Variants in EVC observed in about 807,000 individuals in gnomAD.
EVC encodes the protein evC complex member EVC.
EVC carries 116 observed loss-of-function variants against 118.9 expected under a neutral mutation model. That is an observed-to-expected ratio of 0.98 (90% CI 0.84 to 1.14). The LOEUF is 1.14. EVC is among the 50% of genes most tolerant of loss of function. The probability of loss-of-function intolerance (pLI) is 0.00; values close to 1 mark genes in which losing one functional copy is unlikely to be tolerated. For missense variants in EVC, 1,401 were observed against 1,246.4 expected, an observed-to-expected ratio of 1.12 and a Z score of -1.87; for synonymous variants, 619 against 534.7, an observed-to-expected ratio of 1.16 and a Z score of -2.18.
intron 2 of EVC, among the ~76,000 whole-genome samples, chr4:5,726,179 T>C (rs1465339082): frequency 6.6e-6 from 1 of 152,180 alleles, no homozygotes; most frequent in East Asian, 1.9e-4. Flanking sequence ...CGGTCATTGG[T>C]GATGGAGCTC....
chr4:5,774,557 T>C (rs116028369), intron 11 of EVC, among the ~76,000 whole-genome samples: 1,581 of 152,096 alleles, frequency 0.01, 13 homozygotes, highest in Non-Finnish European at 0.017. Flanking sequence ...CTCTAGACTA[T>C]GGGTATCTTC....
intron 11 of EVC, among the ~76,000 whole-genome samples, chr4:5,761,862 G>C (rs1295235384): frequency 6.6e-6 from 1 of 151,684 alleles, no homozygotes; most frequent in Non-Finnish European, 1.5e-5. Context: ...GGGTCCCATT[G>C]GCCAAGAAGC....
At chr4:5,758,747 C>T (rs1731560505) in intron 11 of EVC, among the ~76,000 whole-genome samples, 1 of 152,196 alleles carries the variant, frequency 6.6e-6, no homozygotes, top group South Asian at 2.1e-4. Flanking sequence ...AAAATAAAGG[C>T]TTTCTAATGT....
In EVC at chr4:5,746,967, C is replaced by T. The variant is rs957349528; in HGVS notation, c.940-1181C>T. Among the ~76,000 whole-genome samples, 1 of 152,074 alleles carries T rather than the reference C, an allele frequency of 6.6e-6. No individual in the cohort carries two copies. The highest frequency in any genetic ancestry group is 6.6e-5 in the Admixed American group (1 of 15,264). On this transcript the variant is annotated intron_variant, in intron 7 of 20. Coordinates refer to ENST00000264956, the MANE Select transcript of EVC (RefSeq NM_153717.3). This position sits in a 1 kb window ranked among gnomAD's most constrained non-coding sequence, Gnocchi z 5.8. ...CGGGCTGTGTAGAGTTGGCAGGTGA[C>T]AGTCTGCAGTCACGTGGCAGGTGGA...
At position 5,813,886 on chromosome 4, in the gene EVC, G is replaced by A. The variant is rs750632875; in HGVS notation, c.*2849G>A. 6.6e-6 allele frequency: 1 copy of A among 152,230 alleles called. No individual in the cohort carries two copies. The highest frequency in any genetic ancestry group is 1.5e-5 in the Non-Finnish European group (1 of 68,054). The allele number at this position is 152,230 out of a possible 1,614,324, so 9.4% of individuals were successfully genotyped here. A position where few individuals can be genotyped will look rare whatever the true frequency, so the allele number is the denominator to read the frequency against. On this transcript the variant is annotated 3_prime_UTR_variant, in exon 21 of 21. Coordinates refer to ENST00000264956, the MANE Select transcript of EVC (RefSeq NM_153717.3). ...GCACAGGCCTCCATGATGAAGACGC[G>A]TGGGCTGTCGGTGCTTTCATCCGTC... is the stretch of plus-strand genomic sequence containing the variant.
chr4:5,799,431 C>T (rs532498894), intron 15 of EVC, among the ~76,000 whole-genome samples: 5 of 152,306 alleles, frequency 3.3e-5, no homozygotes, highest in Admixed American at 3.3e-4. Context: ...ATTTTTCTTC[C>T]CGTTGGGAAA....
At chr4:5,747,539 G>T (rs570023092) in intron 7 of EVC, among the ~76,000 whole-genome samples, 2 of 152,182 alleles carry the variant, frequency 1.3e-5, no homozygotes, top group African/African-American at 2.4e-5. Context: ...AAGTTGCTCC[G>T]ATTCCTAGTG....
chr4:5,799,379 G>T (rs62297681), intron 15 of EVC, among the ~76,000 whole-genome samples: 9,320 of 152,184 alleles, frequency 0.061, 341 homozygotes, highest in Middle Eastern at 0.082. Flanking sequence ...TTCCTACCTC[G>T]TCTTGTTGGA....
rs1221419873 is a variant in EVC, at chr4:5,804,826, A to G, written c.2546A>G (p.Gln849Arg). 1 of 1,613,836 alleles carries G rather than the reference A, an allele frequency of 6.2e-7. No individual in the cohort carries two copies. Among genetic ancestry groups the G allele is most frequent in the Non-Finnish European group, 8.5e-7 (1 of 1,179,968 alleles). The change falls in exon 17 of 21, where the codon CAG (glutamine) becomes CGG (arginine). Residue 849 changes from glutamine (Q) to arginine (R), a missense_variant. By Grantham distance (43) the Gln-to-Arg change is conservative. Coordinates refer to ENST00000264956, the MANE Select transcript of EVC (RefSeq NM_153717.3). ...GCAGGTGGCGCTCATGAGACCTCCC[A>G]GGCGGTCCACCAGAGGTGAGGTCCC... Reference protein sequence around the residue: ...RTAGGAHETSQAVHQRMLSQQ... With the variant: ...RTAGGAHETSRAVHQRMLSQQ...
chr4:5,748,431 A>G lies in EVC; in HGVS notation c.1098+125A>G. On this transcript the variant is annotated intron_variant, in intron 8 of 20. Coordinates refer to ENST00000264956, the MANE Select transcript of EVC (RefSeq NM_153717.3). The stretch of plus-strand genomic sequence containing the variant: ...GCTGGTTATATAGAGCCTCAGGGAA[A>G]AAAAAACCAACAACAACAGTAAATT... 3 of 967,428 alleles carry G rather than the reference A, an allele frequency of 3.1e-6. No individual in the cohort carries two copies. In the South Asian group the frequency reaches 4.9e-5, roughly 16 times the overall value. The allele number at this position is 967,428 out of a possible 1,614,324, so 59.9% of individuals were successfully genotyped here.
chr4:5,757,376 C>T (rs28663295), intron 11 of EVC, among the ~76,000 whole-genome samples: 56,011 of 152,104 alleles, frequency 0.37, 10,652 homozygotes, highest in East Asian at 0.5. Flanking sequence ...GGGAGAAGCT[C>T]ATGCAGTGGT....
chr4:5,783,796 T>C, intron 12 of EVC, 32 bp downstream of exon 12: 7 of 1,570,870 alleles, frequency 4.5e-6, no homozygotes, highest in Non-Finnish European at 6.1e-6. Context: ...GGGGCTGGGG[T>C]CTGCATTTTA....
At chr4:5,757,790 C>G (rs142138774) in intron 11 of EVC, among the ~76,000 whole-genome samples, 1,931 of 152,248 alleles carry the variant, frequency 0.013, 43 homozygotes, top group African/African-American at 0.044. Flanking sequence ...CAAATACAGC[C>G]ACATGGGATA....
intron 11 of EVC, among the ~76,000 whole-genome samples, chr4:5,771,597 A>G (rs1158479424): frequency 2.0e-5 from 3 of 152,218 alleles, no homozygotes; most frequent in Non-Finnish European, 4.4e-5. Context: ...ATTTCCAAAG[A>G]GAGAAATAAA....
At chr4:5,806,111 G>T (rs1301777518) in intron 17 of EVC, among the ~76,000 whole-genome samples, 1 of 148,428 alleles carries the variant, frequency 6.7e-6, no homozygotes, top group Non-Finnish European at 1.5e-5. Context: ...ACAGAGTCTT[G>T]CTCTGTTGCC....
rs919794961 is a variant in EVC, at chr4:5,813,564, C to G, written c.*2527C>G. On this transcript the variant is annotated 3_prime_UTR_variant, in exon 21 of 21. Coordinates refer to ENST00000264956, the MANE Select transcript of EVC (RefSeq NM_153717.3). ...CTGCACAGAGTCCGATGGCTCCTCC[C>G]GGGGAAGCCTGATTTTGTGACGTGT... 2 of 152,184 alleles carry G rather than the reference C, an allele frequency of 1.3e-5. No homozygotes were observed. Among genetic ancestry groups the G allele is most frequent in the African/African-American group, 4.8e-5 (2 of 41,438 alleles). 9.4% of individuals were successfully genotyped at this position (152,184 alleles called of 1,614,324 possible).
chr4:5,739,092 C>T (rs1381657763), intron 5 of EVC, among the ~76,000 whole-genome samples: 1 of 152,052 alleles, frequency 6.6e-6, no homozygotes, highest in Non-Finnish European at 1.5e-5. Context: ...TGAAATCAAC[C>T]CTACAATACC....
intron 2 of EVC, among the ~76,000 whole-genome samples, chr4:5,729,049 C>T (rs1328752820): frequency 6.6e-6 from 1 of 152,058 alleles, no homozygotes; most frequent in African/African-American, 2.4e-5. Flanking sequence ...TCTACCTATC[C>T]ATCCATCCAC....
intron 11 of EVC, among the ~76,000 whole-genome samples, chr4:5,773,798 G>A (rs1734332637): frequency 6.6e-6 from 1 of 152,100 alleles, no homozygotes; most frequent in Admixed American, 6.5e-5. Context: ...AGAGACTCAA[G>A]CTCACCTGTG....
Sources: gnomAD v4.1 joint callset for allele counts (sites outside exome capture counted in the v4.1 genomes callset) on GRCh38, gnomAD v4.1.1 for gene constraint, Gnocchi (gnomAD v3.1) non-coding constraint, MANE v1.5 for transcripts, NCBI Gene and HGNC (gene_info 2026-07-23, HGNC 2026-07-21) for gene names.